XPR1: variants seen among roughly 807,000 people sequenced by gnomAD.
The protein encoded by XPR1 is solute carrier family 53 member 1.
XPR1 carries 28 observed loss-of-function variants against 87.5 expected under a neutral mutation model. The ratio of observed to expected loss-of-function variants is 0.32; its 90% CI spans 0.24 to 0.44. The LOEUF is 0.44. XPR1 is among the 20% of genes least tolerant of loss of function. XPR1 has a pLI of 1.00. For missense variants in XPR1, 559 were observed against 862.3 expected (o/e 0.65, Z 4.41); for synonymous variants, 300 against 306.1 (o/e 0.98, Z 0.21).
intron 2 of XPR1, among the ~76,000 whole-genome samples, chr1:180,710,360 GT>G (rs1657720936): frequency 6.6e-6 from 1 of 152,150 alleles, no homozygotes; most frequent in African/African-American, 2.4e-5. Context: ...CTTCTGCAGT[GT>G]TTGTGTCCCT....
intron 9 of XPR1, among the ~76,000 whole-genome samples, chr1:180,833,185 A>T (rs893969089): frequency 6.6e-6 from 1 of 152,178 alleles, no homozygotes; most frequent in African/African-American, 2.4e-5. Flanking sequence ...AGCACTAAAC[A>T]TGGAAAGAAA....
intron 1 of XPR1, among the ~76,000 whole-genome samples, chr1:180,664,109 G>A (rs1250365063): frequency 1.3e-5 from 2 of 152,168 alleles, no homozygotes; most frequent in African/African-American, 4.8e-5. Context: ...GACCCCAAAA[G>A]CCTGCTTAGT....
chr1:180,658,728 CT>C (rs112053904), intron 1 of XPR1, among the ~76,000 whole-genome samples: 6,551 of 140,478 alleles, frequency 0.047, 450 homozygotes, highest in African/African-American at 0.15. Context: ...CCATGCCCAG[CT>C]TTTTTTTTTT....
intron 1 of XPR1, among the ~76,000 whole-genome samples, chr1:180,664,931 C>T (rs1283954947): frequency 6.6e-6 from 1 of 152,218 alleles, no homozygotes; most frequent in Non-Finnish European, 1.5e-5. Flanking sequence ...GTTCGTGCTC[C>T]TGTGAGAATC....
chr1:180,659,381 GTCCTTCCTTCCT>G (rs1169616821), intron 1 of XPR1, among the ~76,000 whole-genome samples: 6,812 of 55,246 alleles, frequency 0.12, 546 homozygotes, highest in East Asian at 0.21. Context: ...CCGTCCTTCC[GTCCTTCCTTCCT>G]TCCTTCCTTC....
At position 180,661,476 on chromosome 1, in the gene XPR1, C is replaced by CGTGTGTGT. The variant is rs60527318; in HGVS notation, c.70-20848_70-20841dup. 1.3e-3 allele frequency among the ~76,000 whole-genome samples: 182 copies of CGTGTGTGT among 142,460 alleles called. 1 individual carries two copies. The highest frequency in any genetic ancestry group is 4.7e-3 in the African/African-American group (177 of 37,626). 93.5% of individuals were successfully genotyped at this position (142,460 alleles called of 152,430 possible). Reference sequence around the variant, plus strand: ...TCTCTGCTGGTATGTTTTAATTTTTCGTGTGTGTGTGTGTGTGTGTGTGTG... The same window carrying CGTGTGTGT: ...TCTCTGCTGGTATGTTTTAATTTTTCGTGTGTGTGTGTGTGTGTGTGTGTGTGTGTGTG... On this transcript the variant is annotated intron_variant, in intron 1 of 14. Transcript: ENST00000367590.
At chr1:180,687,547 C>G (rs1485639106) in intron 2 of XPR1, among the ~76,000 whole-genome samples, 2 of 151,938 alleles carry the variant, frequency 1.3e-5, no homozygotes, top group Non-Finnish European at 2.9e-5. Flanking sequence ...AGGGTGGTAC[C>G]TTTACTTCAT....
chr1:180,792,356 C>CA (rs1403038560), intron 3 of XPR1, among the ~76,000 whole-genome samples: 1 of 152,186 alleles, frequency 6.6e-6, no homozygotes, highest in Non-Finnish European at 1.5e-5. Context: ...AAAGGCCAAA[C>CA]AATCAAAATA....
chr1:180,750,718 T>G (rs1238470298), intron 2 of XPR1, among the ~76,000 whole-genome samples: 1 of 152,076 alleles, frequency 6.6e-6, no homozygotes, highest in African/African-American at 2.4e-5. Flanking sequence ...TTTGACTATT[T>G]TAACTTTTCT....
intron 2 of XPR1, among the ~76,000 whole-genome samples, chr1:180,732,627 A>T (rs1015952728): frequency 6.6e-6 from 1 of 152,184 alleles, no homozygotes; most frequent in African/African-American, 2.4e-5. Flanking sequence ...AGGGGAGCGT[A>T]CAGATGGTCA....
intron 12 of XPR1, among the ~76,000 whole-genome samples, chr1:180,866,783 A>G (rs1652406418): frequency 6.6e-6 from 1 of 150,818 alleles, no homozygotes; most frequent in South Asian, 2.1e-4. Flanking sequence ...ATAACACTAT[A>G]CACATATTAG....
chr1:180,667,152 C>T (rs535233435), intron 1 of XPR1, among the ~76,000 whole-genome samples: 173 of 152,244 alleles, frequency 1.1e-3, no homozygotes, highest in African/African-American at 3.8e-3. Context: ...TGAACTCAAG[C>T]GATCTGCCTG....
rs1484290337 is a variant in XPR1, at chr1:180,826,951, C to G, written c.1134+1607C>G. Among the ~76,000 whole-genome samples, 5 of 151,796 alleles carry G rather than the reference C, an allele frequency of 3.3e-5. No individual in the cohort carries two copies. The Middle Eastern group carries it at 0.01, about 310-fold the overall frequency. On this transcript the variant is annotated intron_variant, in intron 9 of 14. Transcript: ENST00000367590. Reference sequence around the variant, plus strand: ...GGTGGATCACCTGAAGTCCGGAGTTCAAGACCAGCCTGGCTAACATGGCAA... The same window carrying G: ...GGTGGATCACCTGAAGTCCGGAGTTGAAGACCAGCCTGGCTAACATGGCAA...
At chr1:180,786,814 TGAA>T (rs1026241809) in intron 2 of XPR1, among the ~76,000 whole-genome samples, 1 of 152,180 alleles carries the variant, frequency 6.6e-6, no homozygotes, top group Non-Finnish European at 1.5e-5. Flanking sequence ...CTCCTTCTCC[TGAA>T]GGTGTCACTT....
intron 2 of XPR1, among the ~76,000 whole-genome samples, chr1:180,689,324 T>C (rs939858908): frequency 3.9e-5 from 6 of 152,186 alleles, no homozygotes; most frequent in Non-Finnish European, 5.9e-5. Flanking sequence ...CTAAATGATA[T>C]ATTTGAATAT....
At chr1:180,833,681 A>G (rs1651159507) in intron 9 of XPR1, among the ~76,000 whole-genome samples, 1 of 152,358 alleles carries the variant, frequency 6.6e-6, no homozygotes, top group Non-Finnish European at 1.5e-5. Flanking sequence ...AAGAATAAAC[A>G]CAAAAGCTAA....
At chr1:180,679,228 G>A (rs1245927223) in intron 1 of XPR1, among the ~76,000 whole-genome samples, 1 of 151,688 alleles carries the variant, frequency 6.6e-6, no homozygotes, top group African/African-American at 2.4e-5. Context: ...AAAAAAAACG[G>A]TGGGTTACCA....
At chr1:180,824,698 A>G in intron 7 of XPR1, 55 bp from the exon 8 acceptor site, 2 of 1,428,162 alleles carry the variant, frequency 1.4e-6, no homozygotes, top group Non-Finnish European at 1.9e-6. Flanking sequence ...AAAGATTATT[A>G]ATTCAAGGGA....
chr1:180,836,596 A>G lies in XPR1; in HGVS notation c.1381A>G (p.Ile461Val). The change falls in exon 11 of 15, where the codon ATC becomes GTC. Residue 461 changes from isoleucine to valine, a missense_variant. Coordinates refer to ENST00000367590, the MANE Select transcript of XPR1 (RefSeq NM_004736.4). ...VQCIPAWLRF[I>V]QCLRRYRDTK... Reference sequence around the variant, plus strand: ...GTGCATTCCTGCTTGGCTTCGCTTCATCCAGTGCCTGCGCCGATATCGAGA... The same window carrying G: ...GTGCATTCCTGCTTGGCTTCGCTTCGTCCAGTGCCTGCGCCGATATCGAGA... 6.2e-7 allele frequency: 1 copy of G among 1,614,210 alleles called. No individual in the cohort carries two copies. Among genetic ancestry groups the G allele is most frequent in the Non-Finnish European group, 8.5e-7 (1 of 1,180,042 alleles).
Sources: allele counts gnomAD v4.1 joint callset (sites outside exome capture counted in the v4.1 genomes callset), GRCh38; gene constraint gnomAD v4.1.1; transcripts MANE v1.5; gene names NCBI Gene and HGNC (gene_info 2026-07-23, HGNC 2026-07-21).